Variants in COL24A1 observed in about 807,000 individuals in gnomAD.
COL24A1 encodes the protein collagen alpha-1(XXIV) chain.
COL24A1 carries 224 observed loss-of-function variants against 253.9 expected under a neutral mutation model. The ratio of observed to expected loss-of-function variants is 0.88; its 90% CI spans 0.79 to 0.99. The LOEUF is 0.99. Ranked by LOEUF, COL24A1 falls within the 50% of genes least tolerant of loss-of-function variation. The pLI is 0.00. For missense variants in COL24A1, 2,131 were observed against 2,068.5 expected, an observed-to-expected ratio of 1.03 and a Z score of -0.59; for synonymous variants, 685 against 673.7, an observed-to-expected ratio of 1.02 and a Z score of -0.26.
chr1:85,860,585 C>A (rs1407249243), intron 37 of COL24A1, among the ~76,000 whole-genome samples: 1 of 151,998 alleles, frequency 6.6e-6, no homozygotes, highest in African/African-American at 2.4e-5. Flanking sequence ...ACTAAAAATA[C>A]AAAAAATTAG....
intron 45 of COL24A1, among the ~76,000 whole-genome samples, chr1:85,820,801 A>C (rs1406081904): frequency 4.6e-5 from 7 of 152,196 alleles, no homozygotes; most frequent in Non-Finnish European, 1.0e-4. Flanking sequence ...TTGAAATCAG[A>C]TCCATTTTGA....
At chr1:86,052,068 G>A (rs1700349962) in intron 10 of COL24A1, among the ~76,000 whole-genome samples, 1 of 152,068 alleles carries the variant, frequency 6.6e-6, no homozygotes, top group Non-Finnish European at 1.5e-5. Flanking sequence ...CAGACAGAGG[G>A]TGAAATAGGG....
At chr1:86,029,488 G>A (rs758896775) in intron 14 of COL24A1, among the ~76,000 whole-genome samples, 11 of 152,098 alleles carry the variant, frequency 7.2e-5, no homozygotes, top group Admixed American at 1.3e-4. Context: ...ACTCACACAG[G>A]TTCTTTGACT....
At chr1:86,029,610 GAT>G (rs1491166819) in intron 14 of COL24A1, among the ~76,000 whole-genome samples, 1 of 122,658 alleles carries the variant, frequency 8.2e-6, no homozygotes, top group Non-Finnish European at 1.7e-5. Context: ...TTATTTATTT[GAT>G]TTTTTTTTTT....
intron 37 of COL24A1, among the ~76,000 whole-genome samples, chr1:85,857,136 C>T (rs1204969994): frequency 6.6e-6 from 1 of 152,008 alleles, no homozygotes; most frequent in Non-Finnish European, 1.5e-5. Context: ...TGAAAGGTAT[C>T]TTTTGTAGAT....
intron 19 of COL24A1, among the ~76,000 whole-genome samples, chr1:86,008,154 C>G (rs1351751590): frequency 1.3e-5 from 2 of 152,184 alleles, no homozygotes; most frequent in Non-Finnish European, 2.9e-5. Flanking sequence ...TATCTCCATA[C>G]ATGTAGGAAA....
chr1:85,877,465 CG>C (rs1432542303), intron 32 of COL24A1, among the ~76,000 whole-genome samples: 2 of 152,106 alleles, frequency 1.3e-5, no homozygotes, highest in East Asian at 3.9e-4. Context: ...CAGGTTCAAG[CG>C]ATTCTCCTCC....
intron 5 of COL24A1, among the ~76,000 whole-genome samples, chr1:86,096,554 A>T (rs12043664): frequency 0.29 from 43,719 of 151,886 alleles, 7,533 homozygotes; most frequent in Non-Finnish European, 0.38. Context: ...ATCCTACCAC[A>T]TTTTCATTGG....
chr1:85,988,842 C>T (rs1232730118), intron 19 of COL24A1, among the ~76,000 whole-genome samples: 1 of 152,070 alleles, frequency 6.6e-6, no homozygotes, highest in Non-Finnish European at 1.5e-5. Context: ...AGATTTAAAG[C>T]TTGGATTCTG....
intron 37 of COL24A1, among the ~76,000 whole-genome samples, chr1:85,862,349 G>C (rs1679252159): frequency 2.6e-5 from 4 of 152,112 alleles, no homozygotes; most frequent in Admixed American, 2.0e-4. Flanking sequence ...AGTCTGTAAG[G>C]CTGAATAAAA....
intron 19 of COL24A1, among the ~76,000 whole-genome samples, chr1:85,989,944 T>C (rs901779144): frequency 5.3e-5 from 8 of 152,184 alleles, no homozygotes; most frequent in African/African-American, 1.9e-4. Context: ...ATAAGGTCCC[T>C]TAATGTAGTG....
intron 23 of COL24A1, among the ~76,000 whole-genome samples, chr1:85,963,002 T>C (rs552380368): frequency 2.0e-5 from 3 of 152,254 alleles, no homozygotes; most frequent in African/African-American, 7.2e-5. Context: ...TCAATATTGA[T>C]TACATGTTGA....
chr1:85,827,462 C>T (rs1401829739), intron 43 of COL24A1, among the ~76,000 whole-genome samples: 3 of 151,550 alleles, frequency 2.0e-5, no homozygotes, highest in Non-Finnish European at 2.9e-5. Flanking sequence ...GGGAGGATTC[C>T]CTCTTTTTCT....
intron 37 of COL24A1, among the ~76,000 whole-genome samples, chr1:85,862,782 T>G (rs1369837990): frequency 6.6e-6 from 1 of 152,210 alleles, no homozygotes; most frequent in Non-Finnish European, 1.5e-5. Flanking sequence ...TGCCACTTAA[T>G]GCTGACCCTA....
chr1:86,020,061 CTTTTTTTTTTTTT>C (rs10582249), intron 18 of COL24A1, among the ~76,000 whole-genome samples: 3 of 102,632 alleles, frequency 2.9e-5, no homozygotes, highest in South Asian at 7.7e-4. Context: ...TTCATTCTTT[CTTTTTTTTTTTTT>C]TTTTTTTTTT....
chr1:85,818,052 A>G lies in COL24A1; in HGVS notation c.3825T>C (p.Ser1275=). ...NKGKKGAPGP[S]GKPGIPGLQG... is the part of the protein sequence containing the mutation. Reference sequence around the variant, plus strand: ...TACTTACAGGAATCCCAGGTTTCCCAGAAGGACCAGGAGCTCCTTTTTTCC... The same window carrying G: ...TACTTACAGGAATCCCAGGTTTCCCGGAAGGACCAGGAGCTCCTTTTTTCC... Residue 1275 remains serine (S), a synonymous_variant, in exon 46 of 60, where the codon TCT becomes TCC. Transcript: ENST00000370571. 6.2e-7 allele frequency: 1 copy of G among 1,613,766 alleles called. No homozygotes were observed. Among genetic ancestry groups the G allele is most frequent in the South Asian group, 1.1e-5 (1 of 91,062 alleles).
At chr1:85,848,278 C>T (rs1677361020) in intron 38 of COL24A1, among the ~76,000 whole-genome samples, 1 of 152,104 alleles carries the variant, frequency 6.6e-6, no homozygotes, top group East Asian at 1.9e-4. Flanking sequence ...TAATTATCTT[C>T]TGTTTTCTAT....
intron 26 of COL24A1, among the ~76,000 whole-genome samples, 196 bp from the exon 27 acceptor site, chr1:85,908,847 G>T (rs1173558854): frequency 6.6e-6 from 1 of 151,662 alleles, no homozygotes; most frequent in African/African-American, 2.4e-5. Flanking sequence ...ATTTTCTGTA[G>T]TTTTATTTAC....
At chr1:85,904,605 C>T (rs1684626897) in intron 28 of COL24A1, among the ~76,000 whole-genome samples, 1 of 151,994 alleles carries the variant, frequency 6.6e-6, no homozygotes. Context: ...AGAAACAAAG[C>T]TTAGAGTATG....
Sources: allele counts gnomAD v4.1 joint callset (sites outside exome capture counted in the v4.1 genomes callset), GRCh38; gene constraint gnomAD v4.1.1; transcripts MANE v1.5; gene names NCBI Gene and HGNC (gene_info 2026-07-23, HGNC 2026-07-21).